The following RFTN1 variants were observed in gnomAD, a reference collection of about 807,000 sequenced individuals.
RFTN1 encodes the protein raftlin, lipid raft linker 1, also known as raftlin.
In RFTN1, 26 loss-of-function variants were observed where a neutral mutation model predicts 46.5. The observed-to-expected ratio is 0.56, with a 90% confidence interval of 0.41 to 0.78. RFTN1 has a LOEUF of 0.78. Among genes scored for constraint, RFTN1 ranks in the 30% least tolerant of loss-of-function variants. The pLI is 0.00. For synonymous variants in RFTN1, 261 were observed against 284.2 expected (o/e 0.92, Z 0.82); for missense variants, 693 against 718.7 (o/e 0.96, Z 0.41).
At position 16,480,802 on chromosome 3, in the gene RFTN1, C is replaced by T. The variant is rs2076353268; in HGVS notation, c.145+12923G>A. Among the ~76,000 whole-genome samples, 1 of 152,178 alleles carries T rather than the reference C, an allele frequency of 6.6e-6. No individual in the cohort carries two copies. Among genetic ancestry groups the T allele is most frequent in the Admixed American group, 6.5e-5 (1 of 15,282 alleles). Reference sequence around the variant, plus strand: ...ATAGAATATTAACTTGTTTTCTGTTCCGCTTTAACCAAATTAGATAACAAT... The same window carrying T: ...ATAGAATATTAACTTGTTTTCTGTTTCGCTTTAACCAAATTAGATAACAAT... On this transcript the variant is annotated intron_variant, in intron 2 of 9. Coordinates refer to ENST00000334133, the MANE Select transcript of RFTN1 (RefSeq NM_015150.2). This position sits in a 1 kb window ranked among gnomAD's most constrained non-coding sequence, Gnocchi z 4.3.
Position 16,469,025 on chromosome 3 carries a change from A to G in RFTN1, c.145+24700T>C, listed in dbSNP as rs567171492. Reference sequence around the variant, plus strand: ...GAGTTTCCTTTGGCCACAGGCCACTAACAATCCTTGAGTTCCCGCCTATCC... The same window carrying G: ...GAGTTTCCTTTGGCCACAGGCCACTGACAATCCTTGAGTTCCCGCCTATCC... On this transcript the variant is annotated intron_variant, in intron 2 of 9. Transcript: ENST00000334133. Among the ~76,000 whole-genome samples, 23 of 152,356 alleles carry G rather than the reference A, an allele frequency of 1.5e-4. No individual in the cohort carries two copies. The East Asian group carries it at 2.7e-3, about 18-fold the overall frequency.
In RFTN1 at chr3:16,326,862, C is replaced by G. The variant is rs564304334; in HGVS notation, c.1161G>C (p.Gln387His). ...AGTTCAGCAGGGGCACGTAGTCTGT[C>G]TGCACTTCGACACCCTGGGGGAACA... ...QWTVLEGVEV[Q>H]TDYVPLLNSL... Residue 387 changes from glutamine to histidine, a missense_variant, in exon 8 of 10, where the codon CAG becomes CAC. Physicochemically the swap from Gln to His is conservative, Grantham distance 24. Transcript: ENST00000334133. 16 of 1,613,702 alleles carry G rather than the reference C, an allele frequency of 9.9e-6. No individual in the cohort carries two copies. Among genetic ancestry groups the G allele is most frequent in the Non-Finnish European group, 1.4e-5 (16 of 1,179,938 alleles).
At position 16,498,039 on chromosome 3, in the gene RFTN1, C is replaced by T. The variant is rs970513129; in HGVS notation, c.-8-4162G>A. Among the ~76,000 whole-genome samples, 3 of 152,180 alleles carry T rather than the reference C, an allele frequency of 2.0e-5. No homozygotes were observed. Among genetic ancestry groups the T allele is most frequent in the African/African-American group, 7.2e-5 (3 of 41,436 alleles). ...AATCAGACTCCCAACCTTGAGGCTT[C>T]TGCCCCAGCTCATCCCAAAGGGCAT... On this transcript the variant is annotated intron_variant, in intron 1 of 9. Transcript: ENST00000334133. The surrounding 1 kb of genome is among the most constrained non-coding windows in gnomAD (Gnocchi z 5.2).
rs867238268 is a variant in RFTN1, at chr3:16,403,575, T to C, written c.441+5800A>G. Among the ~76,000 whole-genome samples, 150 of 70,188 alleles carry C rather than the reference T, an allele frequency of 2.1e-3. 1 individual carries two copies. Among genetic ancestry groups the C allele is most frequent in the Admixed American group, 2.4e-3 (11 of 4,564 alleles). 46.0% of individuals were successfully genotyped at this position (70,188 alleles called of 152,430 possible). Reference sequence around the variant, plus strand: ...AGACAGAGACACACACACACACACATATATTATATTTTATATATATAATAT... The same window carrying C: ...AGACAGAGACACACACACACACACACATATTATATTTTATATATATAATAT... On this transcript the variant is annotated intron_variant, in intron 4 of 9. Transcript: ENST00000334133.
chr3:16,462,565 G>A (rs145909183), intron 2 of RFTN1, among the ~76,000 whole-genome samples: 103 of 152,342 alleles, frequency 6.8e-4, no homozygotes, highest in African/African-American at 2.4e-3. Flanking sequence ...GCAATATGAA[G>A]ACAGAGCAGA....
chr3:16,513,689 C>G lies in RFTN1; in HGVS notation c.-256G>C, dbSNP rs989483243. 1 of 150,440 alleles carries G rather than the reference C, an allele frequency of 6.6e-6. No individual in the cohort carries two copies. The highest frequency in any genetic ancestry group is 2.4e-5 in the African/African-American group (1 of 40,998). The allele number at this position is 150,440 out of a possible 1,614,324, so 9.3% of individuals were successfully genotyped here. ...CGCTGCGCCCAGCGCCCGGCGCGCTCCGGCTCCAGCCCCGACGCGCCCCCG... is the reference window on the plus strand; with the variant it reads ...CGCTGCGCCCAGCGCCCGGCGCGCTGCGGCTCCAGCCCCGACGCGCCCCCG... On this transcript the variant is annotated 5_prime_UTR_variant, in exon 1 of 10. Transcript: ENST00000334133. The surrounding 1 kb of genome is among the most constrained non-coding windows in gnomAD (Gnocchi z 5.4).
In RFTN1 at chr3:16,429,111, A is replaced by G. The variant is rs114232064; in HGVS notation, c.332+4740T>C. On this transcript the variant is annotated intron_variant, in intron 3 of 9. Coordinates refer to ENST00000334133, the MANE Select transcript of RFTN1 (RefSeq NM_015150.2). This position sits in a 1 kb window ranked among gnomAD's most constrained non-coding sequence, Gnocchi z 6.4. ...AAAGTAACTGACTTGACTAAATTCA[A>G]TACACTTAGAATTAAGAACAGTTTA... Among the ~76,000 whole-genome samples, 2,127 of 152,324 alleles carry G rather than the reference A, an allele frequency of 0.014. 35 individuals are homozygous for G. The highest frequency in any genetic ancestry group is 0.048 in the African/African-American group (2,007 of 41,572).
At chr3:16,343,807 A>G (rs967458037) in intron 7 of RFTN1, among the ~76,000 whole-genome samples, 1 of 152,238 alleles carries the variant, frequency 6.6e-6, no homozygotes, top group Non-Finnish European at 1.5e-5. Context: ...AGGAGTTTGC[A>G]TAGCAATTTG....
rs550478647 is a variant in RFTN1 at position 16,451,000 on chromosome 3, C to T, written c.146-16963G>A. ...ATTAATATAGGATCTTCAGCTCAAA[C>T]GGAGAACTCTGGACTGGGGATAGAA... is the stretch of plus-strand genomic sequence containing the variant. On this transcript the variant is annotated intron_variant, in intron 2 of 9. Transcript: ENST00000334133. The surrounding 1 kb of genome is among the most constrained non-coding windows in gnomAD (Gnocchi z 4.6). 7.0e-4 allele frequency among the ~76,000 whole-genome samples: 106 copies of T among 152,254 alleles called. No individual in the cohort carries two copies. The highest frequency in any genetic ancestry group is 1.1e-3 in the Admixed American group (17 of 15,302).
intron 2 of RFTN1, among the ~76,000 whole-genome samples, chr3:16,435,913 T>C (rs4685338): frequency 0.78 from 112,832 of 143,988 alleles, 43,646 homozygotes; most frequent in East Asian, 0.87. Flanking sequence ...AAATCAGAGA[T>C]GTAAATATAT....
chr3:16,493,235 CTTT>C (rs5846926), intron 2 of RFTN1, among the ~76,000 whole-genome samples: 3 of 142,818 alleles, frequency 2.1e-5, no homozygotes, highest in Non-Finnish European at 3.1e-5. Flanking sequence ...TAATTCGTTG[CTTT>C]TTTTTTTTTT....
Position 16,448,798 on chromosome 3 carries a change from C to A in RFTN1, c.146-14761G>T, listed in dbSNP as rs759632287. On this transcript the variant is annotated intron_variant, in intron 2 of 9. Transcript: ENST00000334133. This position sits in a 1 kb window ranked among gnomAD's most constrained non-coding sequence, Gnocchi z 4.1. ...CCTGAGTCACAAGTCTCACCCCATGCGGGGATTACAGGCTGCGACTCACTG... is the reference window on the plus strand; with the variant it reads ...CCTGAGTCACAAGTCTCACCCCATGAGGGGATTACAGGCTGCGACTCACTG... 1.3e-5 allele frequency among the ~76,000 whole-genome samples: 2 copies of A among 152,140 alleles called. No individual in the cohort carries two copies. The highest frequency in any genetic ancestry group is 2.4e-5 in the African/African-American group (1 of 41,434).
chr3:16,317,200 G>C lies in RFTN1; in HGVS notation c.1365C>G (p.His455Gln), dbSNP rs753546296. The change falls in exon 10 of 10, where the codon CAC becomes CAG. Residue 455 changes from histidine (H) to glutamine (Q), a missense_variant. Coordinates refer to ENST00000334133, the MANE Select transcript of RFTN1 (RefSeq NM_015150.2). The surrounding 1 kb of genome is among the most constrained non-coding windows in gnomAD (Gnocchi z 4.3). ...CTTTTGATTTCCTCATCTGCCTGTT[G>C]TGCATTTCTTCTCTGGAGAATCGCC... ...FQWRFSREEM[H>Q]NRQMRKSKGK... is the part of the protein sequence containing the mutation. 13 of 1,613,002 alleles carry C rather than the reference G, an allele frequency of 8.1e-6. No homozygotes were observed. The highest frequency in any genetic ancestry group is 1.1e-5 in the Non-Finnish European group (13 of 1,179,954).
At position 16,340,991 on chromosome 3, in the gene RFTN1, G is replaced by A. The variant is rs553147134; in HGVS notation, c.1147-14115C>T. Among the ~76,000 whole-genome samples, 41 of 152,248 alleles carry A rather than the reference G, an allele frequency of 2.7e-4. 2 individuals carry two copies. In the South Asian group the frequency reaches 5.2e-3, roughly 19 times the overall value. On this transcript the variant is annotated intron_variant, in intron 7 of 9. Coordinates refer to ENST00000334133, the MANE Select transcript of RFTN1 (RefSeq NM_015150.2). ...AACAAACAACCCAATTTAAAAATGG[G>A]CAAAAGTTCTAAACAAATACCTCAC...
rs558858949 is a variant in RFTN1 at position 16,322,070 on chromosome 3, A to G, written c.1332+1306T>C. 6.6e-6 allele frequency among the ~76,000 whole-genome samples: 1 copy of G among 152,272 alleles called. No individual in the cohort carries two copies. The highest frequency in any genetic ancestry group is 2.4e-5 in the African/African-American group (1 of 41,534). On this transcript the variant is annotated intron_variant, in intron 9 of 9. Transcript: ENST00000334133. This position sits in a 1 kb window ranked among gnomAD's most constrained non-coding sequence, Gnocchi z 6.2. The stretch of plus-strand genomic sequence containing the variant: ...GGGCCCTTTGCGTGCTGTGTGTTGA[A>G]TGTTGCACTTGCTGAATGCATGCAG...
intron 2 of RFTN1, among the ~76,000 whole-genome samples, chr3:16,438,585 C>CA (rs61019061): frequency 0.045 from 1,384 of 30,522 alleles, 266 homozygotes; most frequent in Admixed American, 0.061. Flanking sequence ...AACTCTGTCT[C>CA]AAAAAAAAAA....
rs116330439 is a variant in RFTN1, at chr3:16,360,436, G to A, written c.1031-2389C>T. Reference sequence around the variant, plus strand: ...GCTGGAATTACAGGCAAGAGCCACCGTTCCAGGCCTCAACTTCTTTTTTAT... The same window carrying A: ...GCTGGAATTACAGGCAAGAGCCACCATTCCAGGCCTCAACTTCTTTTTTAT... On this transcript the variant is annotated intron_variant, in intron 6 of 9. Coordinates refer to ENST00000334133, the MANE Select transcript of RFTN1 (RefSeq NM_015150.2). Among the ~76,000 whole-genome samples, 1,272 of 152,282 alleles carry A rather than the reference G, an allele frequency of 8.4e-3. 27 individuals carry two copies. The highest frequency in any genetic ancestry group is 0.029 in the African/African-American group (1,222 of 41,558).
rs185688579 is a variant in RFTN1, at chr3:16,319,726, G to A, written c.1333-2494C>T. ...TATAATACAAAACGAGAACACAAAT[G>A]GTAGAAAACAAACAACAAAAACTGT... On this transcript the variant is annotated intron_variant, in intron 9 of 9. Coordinates refer to ENST00000334133, the MANE Select transcript of RFTN1 (RefSeq NM_015150.2). Among the ~76,000 whole-genome samples the A allele has an allele frequency of 5.9e-5, 9 of 152,292 alleles. No homozygotes were observed. In the East Asian group the frequency reaches 1.7e-3, roughly 29 times the overall value.
chr3:16,378,753 C>A (rs2073878913), intron 4 of RFTN1, among the ~76,000 whole-genome samples: 1 of 152,082 alleles, frequency 6.6e-6, no homozygotes, highest in African/African-American at 2.4e-5. Context: ...AGATCATGCC[C>A]AGCCCACAGC....
Sources: gnomAD v4.1 joint callset for allele counts (sites outside exome capture counted in the v4.1 genomes callset) on GRCh38, gnomAD v4.1.1 for gene constraint, Gnocchi (gnomAD v3.1) non-coding constraint, MANE v1.5 for transcripts, NCBI Gene and HGNC (gene_info 2026-07-23, HGNC 2026-07-21) for gene names.